AXL: variants seen among roughly 807,000 people sequenced by gnomAD.
The protein encoded by AXL is tyrosine-protein kinase receptor UFO.
A neutral mutation model predicts 104.5 loss-of-function variants in AXL; 52 were observed. The observed-to-expected ratio is 0.50, with a 90% confidence interval of 0.40 to 0.63. The LOEUF is 0.63. Ranked by LOEUF, AXL falls within the 20% of genes least tolerant of loss-of-function variation. The pLI is 0.00. For synonymous variants in AXL, 455 were observed against 473.7 expected (o/e 0.96, Z 0.51); for missense variants, 1,024 against 1,188.5 (o/e 0.86, Z 2.04).
chr19:41,253,868 T>C (rs954424665), intron 17 of AXL, among the ~76,000 whole-genome samples, 160 bp downstream of exon 17: 2 of 151,858 alleles, frequency 1.3e-5, no homozygotes, highest in African/African-American at 4.8e-5. Context: ...GAAGGCTTCC[T>C]GGAGGAGGTG....
intron 4 of AXL, among the ~76,000 whole-genome samples, chr19:41,229,053 T>G (rs12979764): frequency 0.51 from 77,693 of 150,958 alleles, 20,905 homozygotes; most frequent in African/African-American, 0.67. Context: ...GGGTTCAAGC[T>G]ATTCTCCTGC....
In AXL at chr19:41,220,668, A is replaced by G; in HGVS notation, c.118A>G (p.Asn40Asp). The change falls in exon 2 of 20, where the codon AAC becomes GAC. Residue 40 changes from asparagine (N) to aspartate (D), a missense_variant. By Grantham distance (23) the Asn-to-Asp change is conservative. Coordinates refer to ENST00000301178, the MANE Select transcript of AXL (RefSeq NM_021913.5). ...GGCTGAAGAAAGTCCCTTCGTGGGC[A>G]ACCCAGGGAATATCACAGGTGCCCG... ...TQAEESPFVG[N>D]PGNITGARGL... 6.2e-7 allele frequency: 1 copy of G among 1,603,504 alleles called. No homozygotes were observed. The highest frequency in any genetic ancestry group is 8.5e-7 in the Non-Finnish European group (1 of 1,175,078).
Position 41,259,660 on chromosome 19 carries a change from A to C in AXL, c.2441A>C (p.Gln814Pro). 6.2e-7 allele frequency: 1 copy of C among 1,614,068 alleles called. No individual in the cohort carries two copies. The highest frequency in any genetic ancestry group is 8.5e-7 in the Non-Finnish European group (1 of 1,180,004). Residue 814 changes from glutamine to proline, a missense_variant, in exon 20 of 20, where the codon CAG (glutamine) becomes CCG (proline). Transcript: ENST00000301178. ...ACACTGAAGGCCTTGCCTCCTGCCC[A>C]GGAGCCTGACGAAATCCTCTATGTC... is the stretch of plus-strand genomic sequence containing the variant. ...ENTLKALPPA[Q>P]EPDEILYVNM...
chr19:41,247,421 T>G (rs2034288756), intron 12 of AXL, among the ~76,000 whole-genome samples: 1 of 152,028 alleles, frequency 6.6e-6, no homozygotes, highest in Non-Finnish European at 1.5e-5. Flanking sequence ...GAGAATCGCT[T>G]GAACCTGAGA....
Position 41,242,951 on chromosome 19 carries a change from G to C in AXL, c.1381G>C (p.Ala461Pro), listed in dbSNP as rs781747516. The change falls in exon 11 of 20, where the codon GCT becomes CCT. Residue 461 changes from alanine (A) to proline (P), a missense_variant. Ala to Pro is a conservative substitution (Grantham distance 27). Transcript: ENST00000301178. ...WYVLLGAVVA[A>P]ACVLILALFL... ...TGTACTGCTAGGAGCAGTCGTGGCCGCTGCCTGTGTCCTCATCTTGGCTCT... is the reference window on the plus strand; with the variant it reads ...TGTACTGCTAGGAGCAGTCGTGGCCCCTGCCTGTGTCCTCATCTTGGCTCT... 1 of 1,614,178 alleles carries C rather than the reference G, an allele frequency of 6.2e-7. No homozygotes were observed. Among genetic ancestry groups the C allele is most frequent in the Non-Finnish European group, 8.5e-7 (1 of 1,180,030 alleles).
At chr19:41,254,969 C>T (rs762641802) in intron 17 of AXL, among the ~76,000 whole-genome samples, 14 of 152,240 alleles carry the variant, frequency 9.2e-5, no homozygotes, top group Middle Eastern at 6.8e-3. Flanking sequence ...CAGCTCAGCT[C>T]GATGAATTTT....
At position 41,222,070 on chromosome 19, in the gene AXL, T is replaced by C; in HGVS notation, c.586+14T>C. On this transcript the variant is annotated intron_variant, in intron 4 of 19. Transcript: ENST00000301178. ...TGCATGTTCCAGGTGAGTCCGGGGA[T>C]GTGGGTCAGCTCCGAATAGGGGGCC... is the stretch of plus-strand genomic sequence containing the variant. 2 of 1,530,378 alleles carry C rather than the reference T, an allele frequency of 1.3e-6. No individual in the cohort carries two copies. The highest frequency in any genetic ancestry group is 1.8e-6 in the Non-Finnish European group (2 of 1,142,734). The allele number at this position is 1,530,378 out of a possible 1,614,324, so 94.8% of individuals were successfully genotyped here. A position where few individuals can be genotyped will look rare whatever the true frequency, so the allele number is the denominator to read the frequency against.
chr19:41,238,147 G>T lies in AXL; in HGVS notation c.987G>T (p.Pro329=), dbSNP rs368468222. ...SWTHWLPVET[P]EGVPLGPPEN... is the part of the protein sequence containing the mutation. ...CCCACTGGCTTCCTGTGGAGACGCC[G>T]GAGGGAGGTAAGAAGGGTTGGGGAG... is the stretch of plus-strand genomic sequence containing the variant. The change falls in exon 7 of 20, where the codon CCG becomes CCT. Residue 329 remains proline (P), a synonymous_variant. Transcript: ENST00000301178. 2.5e-6 allele frequency: 4 copies of T among 1,613,920 alleles called. No homozygotes were observed. The highest frequency in any genetic ancestry group is 4.5e-5 in the East Asian group (2 of 44,894).
At chr19:41,223,269 T>C (rs2033825191) in intron 4 of AXL, among the ~76,000 whole-genome samples, 1 of 152,198 alleles carries the variant, frequency 6.6e-6, no homozygotes, top group Admixed American at 6.5e-5. Context: ...CACTCCAGCC[T>C]GGGTGACAGA....
At chr19:41,253,764 GTTCC>G in intron 17 of AXL, 56 bp downstream of exon 17, 5 of 1,368,394 alleles carry the variant, frequency 3.7e-6, no homozygotes, top group Non-Finnish European at 5.2e-6. Context: ...CCCTGAGGGA[GTTCC>G]CTCCCTCCTT....
At chr19:41,240,278 G>C in intron 10 of AXL, among the ~76,000 whole-genome samples, 1 of 149,844 alleles carries the variant, frequency 6.7e-6, no homozygotes, top group African/African-American at 2.5e-5. Flanking sequence ...TATATGGAGG[G>C]TGGATGGGTG....
intron 3 of AXL, chr19:41,221,506 A>T: frequency 2.0e-6 from 1 of 509,892 alleles, no homozygotes; most frequent in East Asian, 3.4e-5. Flanking sequence ...CCTAGGCATC[A>T]GACACCATCA....
At chr19:41,238,238 C>T in intron 7 of AXL, 84 bp downstream of exon 7, 2 of 1,513,066 alleles carry the variant, frequency 1.3e-6, no homozygotes, top group Non-Finnish European at 1.8e-6. Context: ...TCCCCTTTCA[C>T]TCCTTTACCC....
At chr19:41,238,232 CT>C in intron 7 of AXL, 78 bp downstream of exon 7, 1 of 1,526,144 alleles carries the variant, frequency 6.6e-7, no homozygotes, top group South Asian at 1.1e-5. Flanking sequence ...CCATTGTCCC[CT>C]TTCACTCCTT....
At position 41,231,017 on chromosome 19, in the gene AXL, G is replaced by A. The variant is rs1446492878; in HGVS notation, c.637G>A (p.Val213Ile). 1.2e-6 allele frequency: 2 copies of A among 1,613,974 alleles called. No homozygotes were observed. Among genetic ancestry groups the A allele is most frequent in the Middle Eastern group, 3.3e-4 (2 of 6,054 alleles). The change falls in exon 5 of 20, where the codon GTC becomes ATC. Residue 213 changes from valine (V) to isoleucine (I), a missense_variant. Transcript: ENST00000301178. The part of the protein sequence containing the change: ...FSCEAHNAKG[V>I]TTSRTATITV... ...CTGCGAAGCCCATAACGCCAAGGGG[G>A]TCACCACATCCCGCACAGCCACCAT...
chr19:41,253,278 G>C (rs2034397081), intron 16 of AXL, among the ~76,000 whole-genome samples: 1 of 152,138 alleles, frequency 6.6e-6, no homozygotes. Flanking sequence ...GATGTCTGGA[G>C]ATCTGGGCAG....
At chr19:41,229,679 G>A (rs1357921987) in intron 4 of AXL, among the ~76,000 whole-genome samples, 1 of 152,220 alleles carries the variant, frequency 6.6e-6, no homozygotes, top group African/African-American at 2.4e-5. Context: ...ACTGTTTTGA[G>A]CACAGGGAAC....
rs2122233967 is a variant in AXL, at chr19:41,238,009, C to T, written c.849C>T (p.Leu283=). 2.5e-6 allele frequency: 4 copies of T among 1,613,942 alleles called. No individual in the cohort carries two copies. Among genetic ancestry groups the T allele is most frequent in the Non-Finnish European group, 3.4e-6 (4 of 1,179,982 alleles). Residue 283 remains leucine, a synonymous_variant, in exon 7 of 20, where the codon CTC becomes CTT. Transcript: ENST00000301178. ...AACCAGACCCCCCAGAGGAGCCCCT[C>T]ACCTCGCAAGCATCCGTGCCCCCCC... The part of the protein sequence containing the change: ...AGEPDPPEEP[L]TSQASVPPHQ...
At chr19:41,219,551 TGGCA>T in intron 1 of AXL, 74 bp downstream of exon 1, 1 of 1,431,848 alleles carries the variant, frequency 7.0e-7, no homozygotes. Context: ...TGGGGGATGA[TGGCA>T]GGTGTGGGGG....
Sources: gnomAD v4.1 joint callset for allele counts (sites outside exome capture counted in the v4.1 genomes callset) on GRCh38, gnomAD v4.1.1 for gene constraint, MANE v1.5 for transcripts, NCBI Gene and HGNC (gene_info 2026-07-23, HGNC 2026-07-21) for gene names.